FER: variants seen among roughly 807,000 people sequenced by gnomAD.
FER encodes FER tyrosine kinase.
A neutral mutation model predicts 111.0 loss-of-function variants in FER; 63 were observed. That is an observed-to-expected ratio of 0.57 (90% CI 0.46 to 0.70). FER has a LOEUF of 0.70. Among genes scored for constraint, FER ranks in the 30% least tolerant of loss-of-function variants. The pLI, the probability that FER is intolerant of heterozygous loss-of-function variation, is 0.00. For missense variants in FER, 914 were observed against 954.0 expected (o/e 0.96, Z 0.55); for synonymous variants, 327 against 313.9 (o/e 1.04, Z -0.44).
chr5:108,894,075 C>G (rs1040935097), intron 9 of FER, among the ~76,000 whole-genome samples: 1 of 151,098 alleles, frequency 6.6e-6, no homozygotes, highest in African/African-American at 2.4e-5. Flanking sequence ...ACCTAGGAAA[C>G]TCTTCCACCA....
intron 17 of FER, among the ~76,000 whole-genome samples, chr5:109,124,587 TTTGTTG>T (rs148987260): frequency 0.17 from 24,985 of 150,034 alleles, 2,066 homozygotes; most frequent in Middle Eastern, 0.18. Flanking sequence ...TTTTAATAGT[TTTGTTG>T]TTGTTGTTGT....
At chr5:108,845,019 T>TATATATATATATATATATATAC (rs60219973) in intron 5 of FER, among the ~76,000 whole-genome samples, 20 of 51,526 alleles carry the variant, frequency 3.9e-4, no homozygotes, top group South Asian at 6.9e-4. Context: ...TATATATATA[T>TATATATATATATATATATATAC]ATATATATAT....
intron 10 of FER, among the ~76,000 whole-genome samples, chr5:108,903,462 C>T (rs1327402124): frequency 1.3e-5 from 2 of 152,192 alleles, no homozygotes; most frequent in African/African-American, 2.4e-5. Flanking sequence ...GTCAGGAGTT[C>T]GAGACCAGCC....
chr5:108,942,687 A>G (rs763641982), intron 10 of FER, among the ~76,000 whole-genome samples: 1 of 152,172 alleles, frequency 6.6e-6, no homozygotes, highest in Non-Finnish European at 1.5e-5. Flanking sequence ...TTACTTACTT[A>G]TAAATGCATT....
At chr5:109,123,257 G>A (rs1253066173) in intron 17 of FER, among the ~76,000 whole-genome samples, 8 of 149,216 alleles carry the variant, frequency 5.4e-5, no homozygotes, top group South Asian at 2.1e-4. Flanking sequence ...CCGGGTTCAC[G>A]CCATTCTCCT....
chr5:109,051,742 A>C, intron 16 of FER: 25 of 1,572,878 alleles, frequency 1.6e-5, no homozygotes, highest in Non-Finnish European at 2.1e-5. Context: ...CTTTCCCTTA[A>C]CCCAATCCTT....
At chr5:108,796,113 A>G (rs1029270005) in intron 2 of FER, among the ~76,000 whole-genome samples, 10 of 152,204 alleles carry the variant, frequency 6.6e-5, no homozygotes, top group African/African-American at 2.4e-4. Flanking sequence ...TAACACTATG[A>G]TTTAAGTGGA....
At chr5:109,018,453 C>T (rs1175830020) in intron 13 of FER, among the ~76,000 whole-genome samples, 1 of 151,640 alleles carries the variant, frequency 6.6e-6, no homozygotes, top group Admixed American at 6.6e-5. Flanking sequence ...GTTTTTACAC[C>T]CTTATTTTCA....
chr5:108,878,574 T>G (rs1489621796), intron 8 of FER, among the ~76,000 whole-genome samples: 3 of 152,184 alleles, frequency 2.0e-5, no homozygotes, highest in Non-Finnish European at 4.4e-5. Context: ...TATTTATTGA[T>G]GGGCATTTAG....
intron 17 of FER, among the ~76,000 whole-genome samples, chr5:109,153,156 T>C (rs1755030498): frequency 1.3e-5 from 2 of 151,702 alleles, no homozygotes; most frequent in African/African-American, 4.8e-5. Flanking sequence ...AAAATTTCAT[T>C]ATACCATGGT....
At chr5:109,159,369 T>C (rs1405358459) in intron 17 of FER, among the ~76,000 whole-genome samples, 1 of 152,176 alleles carries the variant, frequency 6.6e-6, no homozygotes, top group Non-Finnish European at 1.5e-5. Context: ...TATAGCAGCA[T>C]CTCTCATTCT....
In FER at chr5:108,755,557, C is replaced by G. The variant is rs191854662; in HGVS notation, c.-206+7557C>G. Among the ~76,000 whole-genome samples the G allele has an allele frequency of 4.1e-3, 626 of 152,256 alleles. 4 individuals are homozygous for G. Among genetic ancestry groups the G allele is most frequent in the African/African-American group, 0.015 (606 of 41,566 alleles). On this transcript the variant is annotated intron_variant, in intron 1 of 19. Transcript: ENST00000281092. ...CTGAAGTGCAATGGCACAATCTCGG[C>G]TCACCGCAACCTCCACCTCCCGGGT...
chr5:109,142,439 T>C (rs1753628039), intron 17 of FER, among the ~76,000 whole-genome samples: 1 of 152,040 alleles, frequency 6.6e-6, no homozygotes. Flanking sequence ...GCAGGCTCCA[T>C]CTGGAAAATT....
chr5:109,014,354 G>A (rs1766733175), intron 13 of FER, among the ~76,000 whole-genome samples: 2 of 152,022 alleles, frequency 1.3e-5, no homozygotes, highest in Non-Finnish European at 1.5e-5. Flanking sequence ...TTTCCCCATT[G>A]TTGTTTTTGT....
intron 2 of FER, among the ~76,000 whole-genome samples, chr5:108,773,772 C>T (rs1252000002): frequency 1.3e-5 from 2 of 152,134 alleles, no homozygotes; most frequent in Non-Finnish European, 2.9e-5. Context: ...AATCGCCACA[C>T]TGTCTTCCAC....
intron 18 of FER, among the ~76,000 whole-genome samples, chr5:109,182,135 T>G (rs886445785): frequency 6.6e-6 from 1 of 152,240 alleles, no homozygotes; most frequent in Admixed American, 6.5e-5. Context: ...AACCATTTAT[T>G]TATCCATTTT....
chr5:108,778,892 G>A (rs917129180), intron 2 of FER, among the ~76,000 whole-genome samples: 1 of 151,946 alleles, frequency 6.6e-6, no homozygotes, highest in African/African-American at 2.4e-5. Flanking sequence ...CAAACTCAAG[G>A]GAATCTAAAT....
intron 12 of FER, among the ~76,000 whole-genome samples, chr5:108,956,096 A>G (rs377320795): frequency 9.9e-5 from 15 of 151,846 alleles, no homozygotes; most frequent in African/African-American, 3.1e-4. Flanking sequence ...TCAACTTGAT[A>G]ATCATATTTG....
chr5:109,100,119 G>C (rs1189871005), intron 16 of FER, among the ~76,000 whole-genome samples: 2 of 151,694 alleles, frequency 1.3e-5, no homozygotes, highest in East Asian at 1.9e-4. Context: ...AAAGGAAAAA[G>C]TATGATTTTT....
Sources: gnomAD v4.1 joint callset for allele counts (sites outside exome capture counted in the v4.1 genomes callset) on GRCh38, gnomAD v4.1.1 for gene constraint, MANE v1.5 for transcripts, NCBI Gene and HGNC (gene_info 2026-07-23, HGNC 2026-07-21) for gene names.